The following DIPK1A variants were observed in gnomAD, a reference collection of about 807,000 sequenced individuals.
DIPK1A encodes the protein divergent protein kinase domain 1A.
Under a neutral mutation model 40.8 loss-of-function variants are expected in DIPK1A, and 27 were observed. That is an observed-to-expected ratio of 0.66 (90% CI 0.49 to 0.91). The LOEUF is 0.91. Ranked by LOEUF, DIPK1A falls within the 40% of genes least tolerant of loss-of-function variation. The pLI, the probability that DIPK1A is intolerant of heterozygous loss-of-function variation, is 0.00. For synonymous variants in DIPK1A, 166 were observed against 171.3 expected, an observed-to-expected ratio of 0.97 and a Z score of 0.24; for missense variants, 412 against 505.7, an observed-to-expected ratio of 0.81 and a Z score of 1.78.
At chr1:92,893,449 T>C (rs1648994696) in intron 1 of DIPK1A, among the ~76,000 whole-genome samples, 1 of 151,604 alleles carries the variant, frequency 6.6e-6, no homozygotes, top group Non-Finnish European at 1.5e-5. Flanking sequence ...GACAAGCAAA[T>C]GCTGAGAGAT....
At chr1:92,861,975 T>G (rs1028706216) in intron 2 of DIPK1A, among the ~76,000 whole-genome samples, 4 of 152,190 alleles carry the variant, frequency 2.6e-5, no homozygotes, top group Non-Finnish European at 5.9e-5. Flanking sequence ...AGACGAGGTT[T>G]CGCCATATTG....
downstream of DIPK1A, chr1:92,840,495 A>G: frequency 7.9e-7 from 1 of 1,262,800 alleles, no homozygotes; most frequent in South Asian, 1.2e-5. Context: ...TGGTTGCATT[A>G]ATATAGTAGG....
intron 2 of DIPK1A, among the ~76,000 whole-genome samples, chr1:92,873,734 T>G (rs1014781387): frequency 6.6e-6 from 1 of 152,186 alleles, no homozygotes; most frequent in Non-Finnish European, 1.5e-5. Flanking sequence ...ATTTTTGAGA[T>G]GAAGTCTTGC....
intron 1 of DIPK1A, among the ~76,000 whole-genome samples, chr1:92,887,728 T>C (rs946935425): frequency 1.3e-5 from 2 of 152,216 alleles, no homozygotes; most frequent in South Asian, 2.1e-4. Context: ...TGGAGGGGAC[T>C]ACTATTATCC....
At chr1:92,854,357 C>G (rs539796315) in intron 2 of DIPK1A, among the ~76,000 whole-genome samples, 1 of 152,228 alleles carries the variant, frequency 6.6e-6, no homozygotes, top group East Asian at 1.9e-4. Context: ...TTGTTCACAA[C>G]TACAAAATAA....
chr1:92,843,655 A>G lies in DIPK1A; in HGVS notation c.1015T>C (p.Tyr339His). 6.4e-7 allele frequency: 1 copy of G among 1,551,756 alleles called. No homozygotes were observed. Among genetic ancestry groups the G allele is most frequent in the Non-Finnish European group, 8.7e-7 (1 of 1,147,004 alleles). Residue 339 changes from tyrosine (Y) to histidine (H), a missense_variant, in exon 5 of 5, where the codon TAT becomes CAT. Coordinates refer to ENST00000370310, the MANE Select transcript of DIPK1A (RefSeq NM_001006605.5). ...CAGCTAGTTCTACAATCTGTGCCAT[A>G]GACACAGTCCAAATCAGACTCACAG... ...RHCESDLDCV[Y>H]GTDCRTSCDQ...
intron 1 of DIPK1A, chr1:92,930,713 C>G (rs901647898): frequency 6.6e-6 from 1 of 152,206 alleles, no homozygotes; most frequent in African/African-American, 2.4e-5. Context: ...TCTTTCTATG[C>G]CTTTTCTGAT....
intron 1 of DIPK1A, among the ~76,000 whole-genome samples, chr1:92,910,807 T>C (rs1412648539): frequency 1.3e-5 from 2 of 152,154 alleles, no homozygotes; most frequent in African/African-American, 4.8e-5. Context: ...TCAGACTTCC[T>C]GTTTTACTTG....
At chr1:92,927,854 G>A (rs995320157) in intron 1 of DIPK1A, among the ~76,000 whole-genome samples, 4 of 151,884 alleles carry the variant, frequency 2.6e-5, no homozygotes, top group Non-Finnish European at 4.4e-5. Context: ...TTTTCCATTC[G>A]TCAGCTGATG....
At chr1:92,844,608 T>G (rs1687513610) in intron 4 of DIPK1A, among the ~76,000 whole-genome samples, 1 of 152,228 alleles carries the variant, frequency 6.6e-6, no homozygotes, top group Admixed American at 6.5e-5. Context: ...TTTTCCTTTT[T>G]TTAGAGATGG....
chr1:92,862,179 C>G (rs1242242598), intron 2 of DIPK1A, among the ~76,000 whole-genome samples: 2 of 152,166 alleles, frequency 1.3e-5, no homozygotes, highest in South Asian at 2.1e-4. Context: ...AATCCTGGCT[C>G]TATCCCAGCC....
intron 1 of DIPK1A, among the ~76,000 whole-genome samples, chr1:92,900,391 T>C (rs560957804): frequency 6.6e-6 from 1 of 152,278 alleles, no homozygotes; most frequent in South Asian, 2.1e-4. Flanking sequence ...AAGACTGGTG[T>C]TGAAACTCTC....
intron 1 of DIPK1A, among the ~76,000 whole-genome samples, chr1:92,890,865 T>A (rs1037231538): frequency 6.6e-6 from 1 of 152,186 alleles, no homozygotes; most frequent in African/African-American, 2.4e-5. Context: ...TTTTCAGTTT[T>A]CTGGGAGAGT....
intron 1 of DIPK1A, among the ~76,000 whole-genome samples, chr1:92,959,284 C>CTAAA (rs1275082935): frequency 1.3e-5 from 2 of 151,306 alleles, no homozygotes; most frequent in African/African-American, 4.9e-5. Context: ...AGACCCGTCT[C>CTAAA]TAAATAAATA....
At chr1:92,882,914 C>G (rs1043593419) in intron 1 of DIPK1A, among the ~76,000 whole-genome samples, 16 of 152,180 alleles carry the variant, frequency 1.1e-4, no homozygotes, top group African/African-American at 3.9e-4. Context: ...AATTCAACCA[C>G]ATGCTGATGT....
At chr1:92,937,652 GAATATCTAATTGGAAAA>G (rs1241120930) in intron 1 of DIPK1A, among the ~76,000 whole-genome samples, 1 of 147,364 alleles carries the variant, frequency 6.8e-6, no homozygotes, top group East Asian at 1.9e-4. Flanking sequence ...CAGGTCATTT[GAATATCTAATTGGAAAA>G]AATACATGTA....
rs770915955 is a variant in DIPK1A, at chr1:92,847,369, A to G, written c.298-10T>C. 2 of 1,585,908 alleles carry G rather than the reference A, an allele frequency of 1.3e-6. No homozygotes were observed. The highest frequency in any genetic ancestry group is 1.8e-5 in the Admixed American group (1 of 56,092). ...AAATCCCTAAATACATCTATGTAAA[A>G]AAGAGTGGCAAGTTATGTATTATAC... On this transcript the variant is annotated splice_polypyrimidine_tract_variant and intron_variant, in intron 3 of 4. Coordinates refer to ENST00000370310, the MANE Select transcript of DIPK1A (RefSeq NM_001006605.5).
At chr1:92,930,863 A>G (rs982044917) in intron 1 of DIPK1A, 5 of 152,162 alleles carry the variant, frequency 3.3e-5, no homozygotes, top group African/African-American at 9.7e-5. Context: ...TCCCTCCCCT[A>G]TACCAACTAA....
chr1:92,861,232 ATTC>A (rs1647255242), intron 2 of DIPK1A, among the ~76,000 whole-genome samples: 1 of 150,028 alleles, frequency 6.7e-6, no homozygotes, highest in South Asian at 2.1e-4. Flanking sequence ...GTTCCCTCCT[ATTC>A]TTAGTTTGCT....
Sources: gnomAD v4.1 joint callset for allele counts (sites outside exome capture counted in the v4.1 genomes callset) on GRCh38, gnomAD v4.1.1 for gene constraint, MANE v1.5 for transcripts, NCBI Gene and HGNC (gene_info 2026-07-23, HGNC 2026-07-21) for gene names.